Variants in MAP1LC3B observed in about 807,000 individuals in gnomAD.
The protein encoded by MAP1LC3B is microtubule-associated protein 1 light chain 3 beta.
MAP1LC3B carries 12 observed loss-of-function variants against 16.7 expected under a neutral mutation model. That is an observed-to-expected ratio of 0.72 (90% CI 0.46 to 1.16). The LOEUF (loss-of-function observed/expected upper bound fraction) is 1.16, where lower values mean the gene tolerates loss of function less well. Ranked by LOEUF, MAP1LC3B falls within the 50% of genes most tolerant of loss-of-function variation. The pLI is 0.00. For synonymous variants in MAP1LC3B, 63 were observed against 56.5 expected (o/e 1.11, Z -0.51); for missense variants, 155 against 159.5 (o/e 0.97, Z 0.15).
intron 1 of MAP1LC3B, among the ~76,000 whole-genome samples, chr16:87,393,763 C>A (rs1907697190): frequency 6.6e-6 from 1 of 152,072 alleles, no homozygotes; most frequent in Admixed American, 6.5e-5. Flanking sequence ...TATTTTGAGA[C>A]AGGGTCTCAC....
At chr16:87,402,588 G>A (rs1908033032) in intron 3 of MAP1LC3B, 1 of 532,122 alleles carries the variant, frequency 1.9e-6, no homozygotes, top group Non-Finnish European at 3.3e-6. Flanking sequence ...GCTAGTTAAA[G>A]AGAATGTAGA....
At chr16:87,399,064 G>A in intron 2 of MAP1LC3B, 194 bp downstream of exon 2, 1 of 576,510 alleles carries the variant, frequency 1.7e-6, no homozygotes, top group South Asian at 2.0e-5. Flanking sequence ...GGAGTGCAGT[G>A]GTGCGATCGT....
chr16:87,394,822 C>T (rs1263010329), intron 1 of MAP1LC3B, among the ~76,000 whole-genome samples: 1 of 146,706 alleles, frequency 6.8e-6, no homozygotes, highest in Non-Finnish European at 1.5e-5. Context: ...CCTGTAATCC[C>T]AGCACTTTGG....
chr16:87,395,368 G>A (rs1242315916), intron 1 of MAP1LC3B, among the ~76,000 whole-genome samples: 2 of 152,192 alleles, frequency 1.3e-5, no homozygotes, highest in East Asian at 1.9e-4. Flanking sequence ...GAGCCCTGGG[G>A]GGACACAGAT....
At chr16:87,399,015 T>C in intron 2 of MAP1LC3B, 145 bp downstream of exon 2, 2 of 668,852 alleles carry the variant, frequency 3.0e-6, no homozygotes, top group Non-Finnish European at 2.7e-6. Context: ...AGAGGTATCC[T>C]TTTTTTAAGA....
chr16:87,396,763 T>G (rs1306442356), intron 1 of MAP1LC3B: 1 of 151,844 alleles, frequency 6.6e-6, no homozygotes, highest in Non-Finnish European at 1.5e-5. Context: ...AGAGAAGGAG[T>G]CAAAGGATAA....
At chr16:87,399,040 C>T (rs1907898431) in intron 2 of MAP1LC3B, 170 bp downstream of exon 2, 1 of 610,052 alleles carries the variant, frequency 1.6e-6, no homozygotes, top group South Asian at 1.9e-5. Context: ...GGGTCTCACT[C>T]TCTTTCCCAG....
At chr16:87,399,391 C>T in intron 2 of MAP1LC3B, 1 of 296,300 alleles carries the variant, frequency 3.4e-6, no homozygotes, top group Non-Finnish European at 6.7e-6. Context: ...ACTGATATTT[C>T]CTTGTGGATA....
chr16:87,403,276 T>A lies in MAP1LC3B; in HGVS notation c.*179T>A. 1 of 546,256 alleles carries A rather than the reference T, an allele frequency of 1.8e-6. No homozygotes were observed. The highest frequency in any genetic ancestry group is 3.0e-5 in the East Asian group (1 of 32,906). The allele number at this position is 546,256 out of a possible 1,614,324, so 33.8% of individuals were successfully genotyped here. On this transcript the variant is annotated 3_prime_UTR_variant, in exon 4 of 4. Coordinates refer to ENST00000268607, the MANE Select transcript of MAP1LC3B (RefSeq NM_022818.5). ...TCAAGCAGAAAAACTGAGCTCCAAG[T>A]GAGCACATTCAGCTTTGGAAACTAT... is the stretch of plus-strand genomic sequence containing the variant.
rs764058490 is a variant in MAP1LC3B at position 87,402,133 on chromosome 16, C to T, written c.97-42C>T. The stretch of plus-strand genomic sequence containing the variant: ...TACAGGTGTGAGCCACCGCGCCTGG[C>T]CCTGATGACTATTTTAAAATCACTT... On this transcript the variant is annotated intron_variant, in intron 2 of 3. Coordinates refer to ENST00000268607, the MANE Select transcript of MAP1LC3B (RefSeq NM_022818.5). 8.7e-6 allele frequency: 14 copies of T among 1,608,286 alleles called. No homozygotes were observed. The African/African-American group carries it at 1.9e-4, about 22-fold the overall frequency.
chr16:87,403,068 G>A lies in MAP1LC3B; in HGVS notation c.349G>A (p.Glu117Lys). 1.2e-6 allele frequency: 2 copies of A among 1,612,680 alleles called. No homozygotes were observed. The highest frequency in any genetic ancestry group is 4.5e-5 in the East Asian group (2 of 44,870). ...GFLYMVYASQ[E>K]TFGMKLSV ...CCTGTACATGGTCTATGCCTCCCAG[G>A]AGACGTTCGGGATGAAATTGTCAGT... is the stretch of plus-strand genomic sequence containing the variant. The change falls in exon 4 of 4, where the codon GAG becomes AAG. Residue 117 changes from glutamate (E) to lysine (K), a missense_variant. Coordinates refer to ENST00000268607, the MANE Select transcript of MAP1LC3B (RefSeq NM_022818.5).
At chr16:87,401,069 G>C (rs1470993050) in intron 2 of MAP1LC3B, among the ~76,000 whole-genome samples, 1 of 146,212 alleles carries the variant, frequency 6.8e-6, no homozygotes, top group East Asian at 2.0e-4. Flanking sequence ...GGAGTCGGAG[G>C]TTGCAGTGAG....
intron 1 of MAP1LC3B, among the ~76,000 whole-genome samples, chr16:87,396,053 G>T (rs1256538914): frequency 6.6e-6 from 1 of 151,188 alleles, no homozygotes; most frequent in Non-Finnish European, 1.5e-5. Context: ...TAAAGACAGG[G>T]TTTCACCGTG....
At chr16:87,392,620 C>T (rs1907627521) in intron 1 of MAP1LC3B, 153 bp downstream of exon 1, 6 of 660,744 alleles carry the variant, frequency 9.1e-6, no homozygotes, top group Non-Finnish European at 1.2e-5. Flanking sequence ...GGATGCGGGG[C>T]CCGGGGCCCC....
intron 2 of MAP1LC3B, among the ~76,000 whole-genome samples, chr16:87,400,948 C>T (rs1049996401): frequency 6.6e-6 from 1 of 152,022 alleles, no homozygotes. Context: ...GCCTGACCAA[C>T]ATGGTGAAAC....
chr16:87,398,896 A>T, intron 2 of MAP1LC3B, 26 bp downstream of exon 2: 2 of 1,607,256 alleles, frequency 1.2e-6, no homozygotes. Context: ...CCTCGGTTTC[A>T]GTCATGAATG....
chr16:87,404,091 T>C lies in MAP1LC3B; in HGVS notation c.*994T>C, dbSNP rs1360007635. The C allele has an allele frequency of 1.3e-5, 2 of 152,188 alleles. No individual in the cohort carries two copies. Among genetic ancestry groups the C allele is most frequent in the Admixed American group, 6.5e-5 (1 of 15,276 alleles). The allele number at this position is 152,188 out of a possible 1,614,324, so 9.4% of individuals were successfully genotyped here. ...GAAAAGGTACCCACATTTTGAATAG[T>C]AGTTATCACTCTTAGGTCAGACAGC... On this transcript the variant is annotated 3_prime_UTR_variant, in exon 4 of 4. Transcript: ENST00000268607.
At chr16:87,401,571 G>A (rs1907993110) in intron 2 of MAP1LC3B, among the ~76,000 whole-genome samples, 1 of 152,212 alleles carries the variant, frequency 6.6e-6, no homozygotes, top group Admixed American at 6.5e-5. Flanking sequence ...CTAGCTCTAT[G>A]CCCTAGGCTG....
rs756652811 is a variant in MAP1LC3B, at chr16:87,402,331, A to C, written c.203+50A>C. On this transcript the variant is annotated intron_variant, in intron 3 of 3. Transcript: ENST00000268607. ...ATATATTTCCTTTGAGTAACTTCTT[A>C]TTCTTTATGAAACTTACAGTTAAAT... The C allele has an allele frequency of 3.9e-6, 6 of 1,520,158 alleles. No individual in the cohort carries two copies. In the South Asian group the frequency reaches 5.9e-5, roughly 15 times the overall value. 94.2% of individuals were successfully genotyped at this position (1,520,158 alleles called of 1,614,324 possible). A position where few individuals can be genotyped will look rare whatever the true frequency, so the allele number is the denominator to read the frequency against.
Sources: allele counts gnomAD v4.1 joint callset (sites outside exome capture counted in the v4.1 genomes callset), GRCh38; gene constraint gnomAD v4.1.1; transcripts MANE v1.5; gene names NCBI Gene and HGNC (gene_info 2026-07-23, HGNC 2026-07-21).